FGF12: variants seen among roughly 807,000 people sequenced by gnomAD.
FGF12 encodes fibroblast growth factor 12B.
A neutral mutation model predicts 23.6 loss-of-function variants in FGF12; 14 were observed. The observed-to-expected ratio is 0.59, with a 90% confidence interval of 0.39 to 0.93. FGF12 has a LOEUF of 0.93. Ranked by LOEUF, FGF12 falls within the 40% of genes least tolerant of loss-of-function variation. The pLI, the probability that FGF12 is intolerant of heterozygous loss-of-function variation, is 0.00. For synonymous variants in FGF12, 62 were observed against 77.3 expected, an observed-to-expected ratio of 0.80 and a Z score of 1.04; for missense variants, 175 against 217.8, an observed-to-expected ratio of 0.80 and a Z score of 1.24.
intron 2 of FGF12, among the ~76,000 whole-genome samples, chr3:192,379,420 C>T (rs1214118677): frequency 2.2e-5 from 2 of 91,932 alleles, no homozygotes; most frequent in East Asian, 3.4e-4. Flanking sequence ...TGAAACTGCT[C>T]TAAAAAAAAA....
At chr3:192,686,898 G>A (rs1488322180) in intron 2 of FGF12, among the ~76,000 whole-genome samples, 2 of 134,928 alleles carry the variant, frequency 1.5e-5, no homozygotes, top group Non-Finnish European at 3.0e-5. Flanking sequence ...GTGCCATCTC[G>A]GCTCACTGCA....
At chr3:192,703,717 A>G (rs552147046) in intron 2 of FGF12, among the ~76,000 whole-genome samples, 1 of 152,284 alleles carries the variant, frequency 6.6e-6, no homozygotes, top group South Asian at 2.1e-4. Flanking sequence ...TTCACATGTC[A>G]AGGGAGAAAC....
intron 2 of FGF12, among the ~76,000 whole-genome samples, chr3:192,555,325 C>T (rs779848202): frequency 4.6e-5 from 7 of 151,964 alleles, no homozygotes; most frequent in Non-Finnish European, 8.8e-5. Context: ...AAGGGAGGCT[C>T]AATAAGACTA....
At chr3:192,274,250 T>C (rs1297348410) in intron 4 of FGF12, among the ~76,000 whole-genome samples, 1 of 152,138 alleles carries the variant, frequency 6.6e-6, no homozygotes, top group Non-Finnish European at 1.5e-5. Context: ...ATTCCACCAA[T>C]ACAAGCATCT....
intron 4 of FGF12, among the ~76,000 whole-genome samples, chr3:192,222,281 G>A (rs1022774071): frequency 6.1e-5 from 8 of 131,096 alleles, no homozygotes; most frequent in African/African-American, 2.0e-4. Context: ...CTTAACAGCC[G>A]ACTCTATTGA....
intron 4 of FGF12, among the ~76,000 whole-genome samples, chr3:192,264,475 T>C (rs542046277): frequency 6.6e-5 from 10 of 152,222 alleles, no homozygotes; most frequent in African/African-American, 2.4e-4. Flanking sequence ...GTAGAAAATA[T>C]GAATTCTATT....
At chr3:192,649,605 G>T (rs1716137629) in intron 2 of FGF12, among the ~76,000 whole-genome samples, 1 of 151,706 alleles carries the variant, frequency 6.6e-6, no homozygotes, top group Admixed American at 6.6e-5. Context: ...TTCCAGGATG[G>T]AATACAGTGC....
At chr3:192,577,835 C>T (rs1712974290) in intron 2 of FGF12, among the ~76,000 whole-genome samples, 1 of 151,768 alleles carries the variant, frequency 6.6e-6, no homozygotes, top group Non-Finnish European at 1.5e-5. Flanking sequence ...GTTGAATAAA[C>T]ATGTATTTAT....
intron 2 of FGF12, among the ~76,000 whole-genome samples, chr3:192,606,087 C>G (rs546780915): frequency 2.0e-5 from 3 of 152,150 alleles, no homozygotes; most frequent in Non-Finnish European, 4.4e-5. Context: ...TTCATCACAG[C>G]ACTATTCACA....
chr3:192,461,912 C>T (rs1413005771), intron 2 of FGF12, among the ~76,000 whole-genome samples: 1 of 151,924 alleles, frequency 6.6e-6, no homozygotes, highest in East Asian at 1.9e-4. Flanking sequence ...ATCGCTTGAA[C>T]CCGGGAGGTG....
At chr3:192,506,747 T>G (rs891629208) in intron 2 of FGF12, among the ~76,000 whole-genome samples, 4 of 152,100 alleles carry the variant, frequency 2.6e-5, no homozygotes, top group Non-Finnish European at 5.9e-5. Flanking sequence ...CTATTTATAA[T>G]TTGCTAATTT....
intron 2 of FGF12, among the ~76,000 whole-genome samples, chr3:192,400,369 C>CTTTTTTTTT (rs5855423): frequency 7.6e-6 from 1 of 130,784 alleles, no homozygotes. Flanking sequence ...ACATTCTTTT[C>CTTTTTTTTT]TTTTTTTTTT....
At chr3:192,491,636 A>G (rs1410480996) in intron 2 of FGF12, among the ~76,000 whole-genome samples, 3 of 152,166 alleles carry the variant, frequency 2.0e-5, no homozygotes, top group African/African-American at 7.2e-5. Flanking sequence ...CAAAATTGCT[A>G]TGTATCTCAA....
At chr3:192,213,442 A>G (rs1718036552) in intron 4 of FGF12, among the ~76,000 whole-genome samples, 1 of 152,192 alleles carries the variant, frequency 6.6e-6, no homozygotes, top group Admixed American at 6.5e-5. Context: ...ATAAATGCTC[A>G]TATCATTTTA....
intron 2 of FGF12, chr3:192,515,358 AACTAGGG>A (rs1278904635): frequency 6.5e-6 from 1 of 152,780 alleles, no homozygotes; most frequent in Non-Finnish European, 1.5e-5. Flanking sequence ...GACTCTAGGG[AACTAGGG>A]GGTGGGGTAG....
chr3:192,261,824 C>T (rs1211972836), intron 4 of FGF12, among the ~76,000 whole-genome samples: 1 of 152,076 alleles, frequency 6.6e-6, no homozygotes, highest in Non-Finnish European at 1.5e-5. Flanking sequence ...CAGCCTGTGG[C>T]ACAATCTGAA....
chr3:192,261,696 A>G (rs80081846), intron 4 of FGF12, among the ~76,000 whole-genome samples: 2,758 of 152,092 alleles, frequency 0.018, 58 homozygotes, highest in African/African-American at 0.052. Context: ...TCATGAGCTT[A>G]CATCGAACAC....
At chr3:192,529,149 A>C (rs1725026395) in intron 2 of FGF12, among the ~76,000 whole-genome samples, 1 of 151,962 alleles carries the variant, frequency 6.6e-6, no homozygotes, top group Non-Finnish European at 1.5e-5. Flanking sequence ...GCTCTCTTTC[A>C]CTTATAAAAC....
At chr3:192,523,474 C>T (rs1217654238) in intron 2 of FGF12, among the ~76,000 whole-genome samples, 1 of 152,032 alleles carries the variant, frequency 6.6e-6, no homozygotes, top group African/African-American at 2.4e-5. Context: ...TGTTATAAAC[C>T]ATGTTTGATT....
Sources: allele counts gnomAD v4.1 joint callset (sites outside exome capture counted in the v4.1 genomes callset), GRCh38; gene constraint gnomAD v4.1.1; transcripts MANE v1.5; gene names NCBI Gene and HGNC (gene_info 2026-07-23, HGNC 2026-07-21).